CDH13: variants seen among roughly 807,000 people sequenced by gnomAD.
CDH13 encodes the protein cadherin-13.
Under a neutral mutation model 63.8 loss-of-function variants are expected in CDH13, and 24 were observed. The observed-to-expected ratio is 0.38, with a 90% CI of 0.27 to 0.53. CDH13 has a LOEUF of 0.53. Among genes scored for constraint, CDH13 ranks in the 20% least tolerant of loss-of-function variants. The probability of loss-of-function intolerance (pLI) is 0.85; values close to 1 mark genes in which losing one functional copy is unlikely to be tolerated. For missense variants in CDH13, 1,049 were observed against 903.1 expected (o/e 1.16, Z -2.07); for synonymous variants, 503 against 355.3 (o/e 1.42, Z -4.67).
chr16:83,603,975 C>T (rs925260511), intron 8 of CDH13, among the ~76,000 whole-genome samples: 2 of 152,066 alleles, frequency 1.3e-5, no homozygotes, highest in Non-Finnish European at 2.9e-5. Context: ...AACCAGATCT[C>T]ATGAGAATTT....
intron 3 of CDH13, among the ~76,000 whole-genome samples, chr16:83,062,761 G>C (rs1043502026): frequency 6.6e-6 from 1 of 152,166 alleles, no homozygotes; most frequent in South Asian, 2.1e-4. Flanking sequence ...TGTGGGTCAA[G>C]AATTCCAGCA....
intron 1 of CDH13, among the ~76,000 whole-genome samples, chr16:82,697,362 C>T (rs2150985236): frequency 6.6e-6 from 1 of 151,816 alleles, no homozygotes; most frequent in Non-Finnish European, 1.5e-5. Context: ...GTCACTCTCA[C>T]CCCAGACTAT....
intron 4 of CDH13, among the ~76,000 whole-genome samples, chr16:83,139,065 C>G (rs764182594): frequency 6.6e-6 from 1 of 151,666 alleles, no homozygotes; most frequent in Non-Finnish European, 1.5e-5. Context: ...TCCACCTCCC[C>G]GTAGTTTGCT....
In CDH13 at chr16:82,858,437, C is replaced by G. The variant is rs754877123; in HGVS notation, c.121C>G (p.Pro41Ala). The G allele has an allele frequency of 6.2e-7, 1 of 1,612,936 alleles. No homozygotes were observed. The highest frequency in any genetic ancestry group is 8.5e-7 in the Non-Finnish European group (1 of 1,178,944). Residue 41 changes from proline (P) to alanine (A), a missense_variant, in exon 2 of 14, where the codon CCA becomes GCA. Coordinates refer to ENST00000567109, the MANE Select transcript of CDH13 (RefSeq NM_001257.5). ...GCAGAAAGTGTTCCATATCAATCAG[C>G]CAGCTGAATTCATTGAGGACCAGTC... ...FQQKVFHINQ[P>A]AEFIEDQSIL... is the part of the protein sequence containing the mutation.
At chr16:83,291,504 C>G (rs572605127) in intron 5 of CDH13, among the ~76,000 whole-genome samples, 3 of 152,214 alleles carry the variant, frequency 2.0e-5, no homozygotes, top group African/African-American at 7.2e-5. Context: ...TAGTTAGTAG[C>G]AAGATATTAG....
At chr16:82,841,632 G>A (rs1361083666) in intron 1 of CDH13, among the ~76,000 whole-genome samples, 3 of 152,084 alleles carry the variant, frequency 2.0e-5, no homozygotes, top group African/African-American at 7.2e-5. Flanking sequence ...ATTACTGGAA[G>A]GGTTTTCCAG....
chr16:82,814,665 A>G (rs961268730), intron 1 of CDH13, among the ~76,000 whole-genome samples: 5 of 152,162 alleles, frequency 3.3e-5, no homozygotes, highest in Admixed American at 2.0e-4. Context: ...ATTCTTTATA[A>G]TAAATGCGTA....
intron 1 of CDH13, among the ~76,000 whole-genome samples, chr16:82,815,172 G>T (rs1597681072): frequency 6.6e-6 from 1 of 152,240 alleles, no homozygotes; most frequent in South Asian, 2.1e-4. Context: ...ATGGTTAGCA[G>T]ACAGCTCTGT....
At chr16:83,265,631 G>A (rs1234642585) in intron 5 of CDH13, among the ~76,000 whole-genome samples, 1 of 147,282 alleles carries the variant, frequency 6.8e-6, no homozygotes, top group African/African-American at 2.5e-5. Flanking sequence ...TCTTTGTTTT[G>A]TGAATACAGT....
chr16:83,130,500 A>C (rs2151653898), intron 4 of CDH13, among the ~76,000 whole-genome samples: 1 of 152,342 alleles, frequency 6.6e-6, no homozygotes, highest in South Asian at 2.1e-4. Context: ...ATGCACTCAA[A>C]AATAAGGTGG....
intron 6 of CDH13, among the ~76,000 whole-genome samples, chr16:83,379,938 T>TATAG: frequency 0.14 from 17,094 of 123,386 alleles, 1,252 homozygotes; most frequent in East Asian, 0.19. Flanking sequence ...TATATATATA[T>TATAG]AGAGAGAGAG....
rs566013393 is a variant in CDH13, at chr16:83,265,339, G to A, written c.636+47842G>A. On this transcript the variant is annotated intron_variant, in intron 5 of 13. Transcript: ENST00000567109. Reference sequence around the variant, plus strand: ...AACCTCTGGATTATGTGTGTATTTCGCATGCCTGAAAATCCTTTTTCTACT... The same window carrying A: ...AACCTCTGGATTATGTGTGTATTTCACATGCCTGAAAATCCTTTTTCTACT... 3.9e-5 allele frequency among the ~76,000 whole-genome samples: 6 copies of A among 152,052 alleles called. No individual in the cohort carries two copies. In the South Asian group the frequency reaches 8.3e-4, roughly 21 times the overall value.
At chr16:83,318,086 C>A (rs2090143460) in intron 5 of CDH13, among the ~76,000 whole-genome samples, 2 of 152,100 alleles carry the variant, frequency 1.3e-5, no homozygotes, top group Non-Finnish European at 2.9e-5. Context: ...GATACCTATC[C>A]CATAGAGTAA....
intron 4 of CDH13, among the ~76,000 whole-genome samples, chr16:83,205,741 G>A (rs28758228): frequency 0.95 from 143,756 of 151,646 alleles, 68,405 homozygotes; most frequent in Non-Finnish European, 0.99. Context: ...AGTAGCTGGG[G>A]CTACAAGTGT....
intron 3 of CDH13, among the ~76,000 whole-genome samples, chr16:83,110,951 A>G (rs1025417097): frequency 7.0e-6 from 1 of 143,426 alleles, no homozygotes; most frequent in African/African-American, 2.6e-5. Context: ...TGGTCAATAA[A>G]TATCTGTTGG....
intron 2 of CDH13, among the ~76,000 whole-genome samples, chr16:82,989,906 C>T (rs914736910): frequency 2.6e-5 from 4 of 152,022 alleles, no homozygotes; most frequent in Admixed American, 1.3e-4. Flanking sequence ...CCCACGTCTC[C>T]GTTCAACAAC....
At chr16:83,399,587 G>T (rs546549970) in intron 6 of CDH13, among the ~76,000 whole-genome samples, 66 of 152,196 alleles carry the variant, frequency 4.3e-4, no homozygotes, top group African/African-American at 1.3e-3. Flanking sequence ...GGATCTCAGT[G>T]GATCAAGGAC....
At chr16:82,846,140 T>G (rs545406407) in intron 1 of CDH13, among the ~76,000 whole-genome samples, 4 of 152,208 alleles carry the variant, frequency 2.6e-5, no homozygotes, top group Non-Finnish European at 4.4e-5. Context: ...TGGCATGCTA[T>G]GGTGTTTGCA....
At chr16:83,126,206 C>T (rs1001593590) in intron 4 of CDH13, among the ~76,000 whole-genome samples, 3 of 152,176 alleles carry the variant, frequency 2.0e-5, no homozygotes, top group Non-Finnish European at 4.4e-5. Context: ...AGGCAATTTA[C>T]TTCTGCGGAA....
Sources: allele counts gnomAD v4.1 joint callset (sites outside exome capture counted in the v4.1 genomes callset), GRCh38; gene constraint gnomAD v4.1.1; transcripts MANE v1.5; gene names NCBI Gene and HGNC (gene_info 2026-07-23, HGNC 2026-07-21).